Variants in NDUFAF2 observed in about 807,000 individuals in gnomAD.
NDUFAF2 encodes NADH:ubiquinone oxidoreductase complex assembly factor 2.
Under a neutral mutation model 22.8 loss-of-function variants are expected in NDUFAF2, and 13 were observed. That is an observed-to-expected ratio of 0.57 (90% CI 0.37 to 0.91). The LOEUF is 0.91. Among genes scored for constraint, NDUFAF2 ranks in the 40% least tolerant of loss-of-function variants. The pLI, the probability that NDUFAF2 is intolerant of heterozygous loss-of-function variation, is 0.01. For synonymous variants in NDUFAF2, 53 were observed against 64.2 expected (o/e 0.83, Z 0.84); for missense variants, 162 against 195.2 (o/e 0.83, Z 1.01).
intron 1 of NDUFAF2, among the ~76,000 whole-genome samples, chr5:61,016,916 T>G (rs896246976): frequency 6.6e-6 from 1 of 152,196 alleles, no homozygotes; most frequent in Non-Finnish European, 1.5e-5. Context: ...CCACACTTGG[T>G]AAGATCAGGC....
intron 3 of NDUFAF2, among the ~76,000 whole-genome samples, chr5:61,128,375 A>G (rs1561573396): frequency 2.6e-5 from 4 of 152,230 alleles, no homozygotes; most frequent in South Asian, 2.1e-4. Flanking sequence ...AGCTGGAGGC[A>G]TCACGCTACC....
chr5:60,981,775 A>G (rs561474141), intron 1 of NDUFAF2, among the ~76,000 whole-genome samples: 182 of 152,342 alleles, frequency 1.2e-3, no homozygotes, highest in African/African-American at 4.2e-3. Context: ...CAATGAACAC[A>G]ATAGAGAATC....
At chr5:61,140,150 G>A (rs1251265462) in intron 3 of NDUFAF2, among the ~76,000 whole-genome samples, 2 of 152,280 alleles carry the variant, frequency 1.3e-5, no homozygotes, top group East Asian at 3.8e-4. Context: ...CAAGGCCTGG[G>A]CAGGGCATCG....
At chr5:61,057,301 G>C (rs140724961) in intron 1 of NDUFAF2, among the ~76,000 whole-genome samples, 52 of 152,266 alleles carry the variant, frequency 3.4e-4, no homozygotes, top group Middle Eastern at 3.4e-3. Flanking sequence ...GCTGAAGTAG[G>C]CTTTACATGT....
chr5:61,028,492 A>G (rs1751682681), intron 1 of NDUFAF2, among the ~76,000 whole-genome samples: 1 of 152,148 alleles, frequency 6.6e-6, no homozygotes, highest in Non-Finnish European at 1.5e-5. Context: ...TTCTTAGTAA[A>G]CAGTAAATAA....
intron 3 of NDUFAF2, among the ~76,000 whole-genome samples, chr5:61,109,556 T>G (rs1752809359): frequency 6.6e-6 from 1 of 152,214 alleles, no homozygotes; most frequent in African/African-American, 2.4e-5. Context: ...TTTCACTGTT[T>G]CTCTATTCAG....
At chr5:60,983,027 G>C (rs1322358548) in intron 1 of NDUFAF2, among the ~76,000 whole-genome samples, 2 of 151,608 alleles carry the variant, frequency 1.3e-5, no homozygotes, top group Non-Finnish European at 2.9e-5. Context: ...CAGTGTAAAA[G>C]TGTTCCTATT....
chr5:61,142,777 T>C (rs1439995139), intron 3 of NDUFAF2, among the ~76,000 whole-genome samples: 2 of 152,220 alleles, frequency 1.3e-5, no homozygotes, highest in East Asian at 3.8e-4. Context: ...TCTTTGGGTT[T>C]CTACTCCCAT....
intron 1 of NDUFAF2, among the ~76,000 whole-genome samples, chr5:60,953,451 A>G (rs28582880): frequency 0.047 from 7,154 of 152,208 alleles, 569 homozygotes; most frequent in African/African-American, 0.16. Flanking sequence ...CACAGAGACC[A>G]TAATTCCCTT....
At chr5:61,020,547 ATGTGTG>A (rs68178917) in intron 1 of NDUFAF2, among the ~76,000 whole-genome samples, 30 of 147,994 alleles carry the variant, frequency 2.0e-4, no homozygotes, top group South Asian at 1.1e-3. Context: ...GGGTTTTGTT[ATGTGTG>A]TGTGTGTGTG....
At chr5:61,136,005 T>TCATATATATATA in intron 3 of NDUFAF2, among the ~76,000 whole-genome samples, 1 of 96,048 alleles carries the variant, frequency 1.0e-5, no homozygotes, top group African/African-American at 5.5e-5. Flanking sequence ...AAGCCTGTCT[T>TCATATATATATA]TATATATATA....
At chr5:61,058,966 C>T (rs1406125355) in intron 1 of NDUFAF2, among the ~76,000 whole-genome samples, 1 of 152,000 alleles carries the variant, frequency 6.6e-6, no homozygotes, top group Non-Finnish European at 1.5e-5. Context: ...GTAATTGTAA[C>T]TGCTTTTTCA....
chr5:60,974,432 G>T (rs983893216), intron 1 of NDUFAF2, among the ~76,000 whole-genome samples: 5 of 152,136 alleles, frequency 3.3e-5, no homozygotes, highest in Non-Finnish European at 7.3e-5. Context: ...TTGGCTTATT[G>T]TGGGACTTTA....
intron 1 of NDUFAF2, among the ~76,000 whole-genome samples, chr5:60,985,751 A>G (rs1751065010): frequency 6.6e-6 from 1 of 152,160 alleles, no homozygotes; most frequent in East Asian, 1.9e-4. Context: ...TAAAACCATC[A>G]GATCTCAGGA....
At chr5:60,992,883 G>A (rs1751179192) in intron 1 of NDUFAF2, among the ~76,000 whole-genome samples, 3 of 152,178 alleles carry the variant, frequency 2.0e-5, no homozygotes, top group African/African-American at 4.8e-5. Context: ...TGAAAAGTTG[G>A]CTGCCAGACA....
intron 1 of NDUFAF2, among the ~76,000 whole-genome samples, chr5:61,008,090 G>A (rs1211667182): frequency 1.4e-5 from 2 of 145,862 alleles, no homozygotes; most frequent in African/African-American, 5.1e-5. Context: ...CTCACAGGTG[G>A]GAATTGAACA....
chr5:61,058,104 A>G (rs1004812988), intron 1 of NDUFAF2, among the ~76,000 whole-genome samples: 2 of 152,168 alleles, frequency 1.3e-5, no homozygotes, highest in African/African-American at 4.8e-5. Context: ...TTAATGACCA[A>G]GTATTTGATT....
intron 1 of NDUFAF2, among the ~76,000 whole-genome samples, chr5:60,962,752 G>A (rs1750707279): frequency 6.6e-6 from 1 of 151,256 alleles, no homozygotes; most frequent in Non-Finnish European, 1.5e-5. Context: ...AGAATTGCTT[G>A]AACCCGGGAG....
chr5:61,100,616 T>C (rs1752694271), intron 3 of NDUFAF2, among the ~76,000 whole-genome samples: 1 of 152,086 alleles, frequency 6.6e-6, no homozygotes, highest in Admixed American at 6.6e-5. Flanking sequence ...TGTTTCTTTG[T>C]TAGCAAATTA....
Sources: gnomAD v4.1 joint callset for allele counts (sites outside exome capture counted in the v4.1 genomes callset) on GRCh38, gnomAD v4.1.1 for gene constraint, MANE v1.5 for transcripts, NCBI Gene and HGNC (gene_info 2026-07-23, HGNC 2026-07-21) for gene names.